Variants in CADM2 observed in about 807,000 individuals in gnomAD.
CADM2 encodes the protein cell adhesion molecule 2, also known as immunoglobulin superfamily member 4D.
In CADM2, 12 loss-of-function variants were observed where a neutral mutation model predicts 49.8. That is an observed-to-expected ratio of 0.24 (90% CI 0.15 to 0.39). The LOEUF (loss-of-function observed/expected upper bound fraction) is 0.39. Ranked by LOEUF, CADM2 falls within the 10% of genes least tolerant of loss-of-function variation. CADM2 has a pLI of 1.00. For missense variants in CADM2, 378 were observed against 492.3 expected, an observed-to-expected ratio of 0.77 and a Z score of 2.20; for synonymous variants, 214 against 175.4, an observed-to-expected ratio of 1.22 and a Z score of -1.74.
At chr3:85,484,685 C>G (rs1020488137) in intron 1 of CADM2, among the ~76,000 whole-genome samples, 1 of 151,876 alleles carries the variant, frequency 6.6e-6, no homozygotes, top group African/African-American at 2.4e-5. Context: ...TCACAGACCC[C>G]AACAGCATAA....
chr3:85,378,918 A>C (rs1249025202), intron 1 of CADM2, among the ~76,000 whole-genome samples: 2 of 151,936 alleles, frequency 1.3e-5, no homozygotes, highest in African/African-American at 2.4e-5. Context: ...AGTGACAAAA[A>C]CCCAAATAAA....
intron 1 of CADM2, among the ~76,000 whole-genome samples, chr3:85,256,162 C>T (rs1055317927): frequency 3.9e-5 from 6 of 151,988 alleles, no homozygotes; most frequent in African/African-American, 1.4e-4. Context: ...ATCTCTCCAC[C>T]CCTGCAGCTC....
At chr3:85,526,755 A>G (rs2061167183) in intron 1 of CADM2, among the ~76,000 whole-genome samples, 2 of 152,132 alleles carry the variant, frequency 1.3e-5, no homozygotes, top group African/African-American at 4.8e-5. Context: ...ACTTGTATGA[A>G]CCTGAATGCC....
At chr3:85,557,191 A>G (rs1480156571) in intron 1 of CADM2, among the ~76,000 whole-genome samples, 3 of 152,068 alleles carry the variant, frequency 2.0e-5, no homozygotes, top group Non-Finnish European at 4.4e-5. Context: ...AAATAAGTAT[A>G]AACAAAAATT....
intron 1 of CADM2, among the ~76,000 whole-genome samples, chr3:85,362,166 T>G (rs1263752448): frequency 6.6e-6 from 1 of 152,188 alleles, no homozygotes; most frequent in African/African-American, 2.4e-5. Flanking sequence ...CAGATCTCCC[T>G]GCAGTAATTA....
chr3:85,950,513 C>T (rs1030364719), intron 7 of CADM2, among the ~76,000 whole-genome samples: 1 of 151,100 alleles, frequency 6.6e-6, no homozygotes, highest in Non-Finnish European at 1.5e-5. Flanking sequence ...TTAAAATAAT[C>T]ATCAATGAAC....
intron 8 of CADM2, among the ~76,000 whole-genome samples, chr3:86,049,410 G>C (rs1183077700): frequency 2.0e-5 from 3 of 151,698 alleles, no homozygotes; most frequent in Non-Finnish European, 4.4e-5. Context: ...GAGTAGCTGG[G>C]ACTACAGGCA....
chr3:85,189,062 AAAAT>A (rs67058834), intron 1 of CADM2, among the ~76,000 whole-genome samples: 22,591 of 145,492 alleles, frequency 0.16, 2,183 homozygotes, highest in African/African-American at 0.28. Flanking sequence ...ATAAATAAAT[AAAAT>A]AAATAAATAA....
chr3:85,260,863 T>A (rs2043000409), intron 1 of CADM2, among the ~76,000 whole-genome samples: 1 of 152,286 alleles, frequency 6.6e-6, no homozygotes, highest in Admixed American at 6.5e-5. Flanking sequence ...TCCACGATTG[T>A]GGAACAGAGG....
At position 85,166,702 on chromosome 3, in the gene CADM2, A is replaced by T. The variant is rs538177073; in HGVS notation, c.61+207034A>T. Among the ~76,000 whole-genome samples the T allele has an allele frequency of 2.8e-4, 43 of 152,026 alleles. No individual in the cohort carries two copies. The South Asian group carries it at 4.4e-3, about 15-fold the overall frequency. On this transcript the variant is annotated intron_variant, in intron 1 of 9. Transcript: ENST00000383699. ...TTGCCTACCGTTGCCAGATCGGGAG[A>T]TCCTCTTTTTCTCTGCTTATATCAG...
chr3:85,908,990 C>G (rs1269407778), intron 5 of CADM2, among the ~76,000 whole-genome samples: 2 of 152,130 alleles, frequency 1.3e-5, no homozygotes, highest in Non-Finnish European at 2.9e-5. Flanking sequence ...TCCCAAAGTG[C>G]TGGGATTACA....
intron 1 of CADM2, among the ~76,000 whole-genome samples, chr3:85,070,113 A>G (rs1170904692): frequency 1.3e-5 from 2 of 152,128 alleles, no homozygotes; most frequent in Admixed American, 1.3e-4. Flanking sequence ...AATATTCATA[A>G]CATGTTCCAT....
At chr3:85,021,730 A>G (rs1489909210) in intron 1 of CADM2, among the ~76,000 whole-genome samples, 7 of 152,144 alleles carry the variant, frequency 4.6e-5, no homozygotes, top group African/African-American at 1.7e-4. Flanking sequence ...AGCCGAGATC[A>G]TGCCATTGCA....
At chr3:85,991,644 C>A (rs1457119104) in intron 8 of CADM2, among the ~76,000 whole-genome samples, 1 of 152,000 alleles carries the variant, frequency 6.6e-6, no homozygotes, top group Non-Finnish European at 1.5e-5. Flanking sequence ...TTCTCCAACT[C>A]TAAAATTATT....
chr3:84,991,260 A>C (rs944193339), intron 1 of CADM2, among the ~76,000 whole-genome samples: 1 of 147,570 alleles, frequency 6.8e-6, no homozygotes, highest in African/African-American at 2.5e-5. Flanking sequence ...AATTCATTGG[A>C]ATTTTCCCGA....
chr3:85,989,437 G>A (rs192435066), intron 8 of CADM2, among the ~76,000 whole-genome samples: 2 of 152,102 alleles, frequency 1.3e-5, no homozygotes, highest in East Asian at 1.9e-4. Context: ...GGGGGACAGG[G>A]GACCAAAATT....
chr3:85,410,462 C>A (rs1359622165), intron 1 of CADM2, among the ~76,000 whole-genome samples: 1 of 152,148 alleles, frequency 6.6e-6, no homozygotes, highest in African/African-American at 2.4e-5. Context: ...TCATTCAGAC[C>A]ATATTTGCCA....
chr3:85,282,829 T>A (rs2043538352), intron 1 of CADM2, among the ~76,000 whole-genome samples: 1 of 152,032 alleles, frequency 6.6e-6, no homozygotes, highest in South Asian at 2.1e-4. Flanking sequence ...TCAAAAAGTA[T>A]CACACAGCAG....
chr3:85,347,860 T>G (rs906227279), intron 1 of CADM2, among the ~76,000 whole-genome samples: 7 of 150,634 alleles, frequency 4.6e-5, no homozygotes, highest in Middle Eastern at 3.5e-3. Flanking sequence ...CAGGCTGGAG[T>G]GCAGTGGCAC....
Sources: allele counts gnomAD v4.1 joint callset (sites outside exome capture counted in the v4.1 genomes callset), GRCh38; gene constraint gnomAD v4.1.1; transcripts MANE v1.5; gene names NCBI Gene and HGNC (gene_info 2026-07-23, HGNC 2026-07-21).